The following ESRRG variants were observed in gnomAD, a reference collection of about 807,000 sequenced individuals.
ESRRG encodes estrogen-related receptor gamma.
A neutral mutation model predicts 44.0 loss-of-function variants in ESRRG; 13 were observed. The ratio of observed to expected loss-of-function variants is 0.30; its 90% CI spans 0.19 to 0.47. The LOEUF is 0.47. Among genes scored for constraint, ESRRG ranks in the 20% least tolerant of loss-of-function variants. The pLI, the probability that ESRRG is intolerant of heterozygous loss-of-function variation, is 1.00. For synonymous variants in ESRRG, 215 were observed against 214.6 expected (o/e 1.00, Z -0.02); for missense variants, 395 against 580.6 (o/e 0.68, Z 3.29).
intron 2 of ESRRG, among the ~76,000 whole-genome samples, chr1:216,926,063 C>T (rs542807824): frequency 9.2e-5 from 14 of 152,320 alleles, no homozygotes; most frequent in African/African-American, 2.9e-4. Context: ...CCTCAGACAG[C>T]CCTGAAATCT....
At chr1:216,912,099 TA>T (rs1190454151) in intron 2 of ESRRG, among the ~76,000 whole-genome samples, 1 of 112,898 alleles carries the variant, frequency 8.9e-6, no homozygotes, top group African/African-American at 3.2e-5. Context: ...ACCCACCCTG[TA>T]AAAAAAGAAG....
intron 3 of ESRRG, among the ~76,000 whole-genome samples, chr1:216,582,931 G>C (rs1443902253): frequency 6.6e-6 from 1 of 152,012 alleles, no homozygotes; most frequent in Non-Finnish European, 1.5e-5. Context: ...AGGAGCGGAA[G>C]AAACTGCTAG....
intron 2 of ESRRG, among the ~76,000 whole-genome samples, chr1:216,908,976 T>A (rs1207989974): frequency 6.6e-6 from 1 of 152,094 alleles, no homozygotes; most frequent in Admixed American, 6.6e-5. Flanking sequence ...AAAGAGGGGA[T>A]TAAAAATTTT....
intron 1 of ESRRG, among the ~76,000 whole-genome samples, chr1:217,005,316 A>G (rs1485224928): frequency 6.6e-6 from 1 of 152,218 alleles, no homozygotes; most frequent in Non-Finnish European, 1.5e-5. Flanking sequence ...ACACAGCTAA[A>G]TAGTGGCATA....
intron 1 of ESRRG, among the ~76,000 whole-genome samples, chr1:217,016,851 T>A (rs532636156): frequency 6.6e-6 from 1 of 152,324 alleles, no homozygotes; most frequent in African/African-American, 2.4e-5. Flanking sequence ...CAAACTGTAA[T>A]TGTCAATTAG....
chr1:217,035,319 C>CA (rs397709457), intron 1 of ESRRG, among the ~76,000 whole-genome samples: 2,535 of 74,980 alleles, frequency 0.034, 181 homozygotes, highest in Admixed American at 0.12. Flanking sequence ...GACTCTGTCT[C>CA]AAAAAAAAAA....
chr1:216,803,241 T>C (rs1476783098), intron 2 of ESRRG, among the ~76,000 whole-genome samples: 1 of 152,106 alleles, frequency 6.6e-6, no homozygotes, highest in Non-Finnish European at 1.5e-5. Context: ...AATTATACAA[T>C]TAAAATAGCA....
chr1:216,789,715 G>T (rs772992770), intron 2 of ESRRG, among the ~76,000 whole-genome samples: 1 of 152,108 alleles, frequency 6.6e-6, no homozygotes, highest in Non-Finnish European at 1.5e-5. Context: ...CTGTAGCAAG[G>T]CTGAACTAGA....
At chr1:216,864,537 G>A (rs577712866) in intron 2 of ESRRG, 1 of 150,132 alleles carries the variant, frequency 6.7e-6, no homozygotes, top group African/African-American at 2.5e-5. Context: ...CCAAAACAGA[G>A]GTTTAAGGAA....
intron 3 of ESRRG, among the ~76,000 whole-genome samples, chr1:216,640,684 G>C (rs2066235229): frequency 6.6e-6 from 1 of 152,098 alleles, no homozygotes; most frequent in Admixed American, 6.5e-5. Flanking sequence ...GAGCATTTAG[G>C]AATGGGGCCC....
At chr1:216,837,807 A>AT (rs1448158010) in intron 2 of ESRRG, among the ~76,000 whole-genome samples, 1 of 152,140 alleles carries the variant, frequency 6.6e-6, no homozygotes, top group Non-Finnish European at 1.5e-5. Flanking sequence ...GTTGAAGAGA[A>AT]TTTTTTCAAA....
chr1:216,903,780 A>T (rs953974138), intron 2 of ESRRG, among the ~76,000 whole-genome samples: 2 of 152,114 alleles, frequency 1.3e-5, no homozygotes, highest in Admixed American at 6.5e-5. Flanking sequence ...CATCTATACC[A>T]ACCACCCTCT....
intron 2 of ESRRG, among the ~76,000 whole-genome samples, chr1:216,734,904 C>CTTTTTTTTTTTTTTTTTTTTTT (rs11309409): frequency 1.0e-5 from 1 of 100,374 alleles, no homozygotes; most frequent in Non-Finnish European, 1.9e-5. Context: ...GTTCCATATT[C>CTTTTTTTTTTTTTTTTTTTTTT]TTTTTTTTTT....
chr1:216,885,437 G>C (rs904089144), intron 2 of ESRRG, among the ~76,000 whole-genome samples: 2 of 152,076 alleles, frequency 1.3e-5, no homozygotes, highest in East Asian at 1.9e-4. Context: ...TGAGGAGCAG[G>C]TGGAGTATGA....
rs971045743 is a variant in ESRRG at position 216,983,690 on chromosome 1, G to A, written c.-105-44017C>T. 5.1e-4 allele frequency among the ~76,000 whole-genome samples: 10 copies of A among 19,556 alleles called. No individual in the cohort carries two copies. The African/African-American group carries it at 0.011, about 22-fold the overall frequency. 12.8% of individuals were successfully genotyped at this position (19,556 alleles called of 152,430 possible). On this transcript the variant is annotated intron_variant, in intron 1 of 7. Transcript: ENST00000359162. Reference sequence around the variant, plus strand: ...ATCCCTTTCGCGTGCATGTGCATGTGTGTGTGTGTGTGTGTGTGTGTGTGT... The same window carrying A: ...ATCCCTTTCGCGTGCATGTGCATGTATGTGTGTGTGTGTGTGTGTGTGTGT...
At chr1:216,893,263 TTGG>T (rs1424679145) in intron 2 of ESRRG, among the ~76,000 whole-genome samples, 1 of 152,084 alleles carries the variant, frequency 6.6e-6, no homozygotes, top group African/African-American at 2.4e-5. Context: ...TGGAAATCTA[TTGG>T]TGGCCAAATA....
chr1:216,559,411 G>A (rs1391134725), intron 5 of ESRRG, among the ~76,000 whole-genome samples: 1 of 152,190 alleles, frequency 6.6e-6, no homozygotes, highest in Non-Finnish European at 1.5e-5. Context: ...GCAGCAGAGG[G>A]TGGAAACTTG....
At chr1:216,693,287 T>A (rs12067901) in intron 1 of ESRRG, among the ~76,000 whole-genome samples, 45,638 of 152,118 alleles carry the variant, frequency 0.3, 7,550 homozygotes, top group South Asian at 0.43. Context: ...ATTAAAAAAA[T>A]TTTTTATGTG....
Position 216,657,663 on chromosome 1 carries a change from C to T in ESRRG, c.473-6574G>A, listed in dbSNP as rs74922442. 8.4e-3 allele frequency among the ~76,000 whole-genome samples: 1,284 copies of T among 152,180 alleles called. 20 individuals carry two copies. Among genetic ancestry groups the T allele is most frequent in the African/African-American group, 0.029 (1,212 of 41,510 alleles). ...GGGTACTATCACTCTACTAATGGGA[C>T]CCCAGACCACCTGCCAGGTGAGGTT... On this transcript the variant is annotated intron_variant, in intron 2 of 6. Coordinates refer to ENST00000408911, the MANE Select transcript of ESRRG (RefSeq NM_001438.4).
Sources: gnomAD v4.1 joint callset for allele counts (sites outside exome capture counted in the v4.1 genomes callset) on GRCh38, gnomAD v4.1.1 for gene constraint, MANE v1.5 for transcripts, NCBI Gene and HGNC (gene_info 2026-07-23, HGNC 2026-07-21) for gene names.